The following PLGRKT variants were observed in gnomAD, a reference collection of about 807,000 sequenced individuals.
PLGRKT encodes plasminogen receptor with a C-terminal lysine.
A neutral mutation model predicts 18.5 loss-of-function variants in PLGRKT; 22 were observed. That is an observed-to-expected ratio of 1.19 (90% CI 0.85 to 1.70). The LOEUF (loss-of-function observed/expected upper bound fraction) is 1.70, where lower values mean the gene tolerates loss of function less well. Among genes scored for constraint, PLGRKT ranks in the 40% most tolerant of loss-of-function variants. The pLI is 0.00. For missense variants in PLGRKT, 235 were observed against 174.4 expected, an observed-to-expected ratio of 1.35 and a Z score of -1.96; for synonymous variants, 72 against 52.8, an observed-to-expected ratio of 1.36 and a Z score of -1.58.
chr9:5,423,096 C>G (rs1004457280), intron 3 of PLGRKT, among the ~76,000 whole-genome samples: 1 of 152,136 alleles, frequency 6.6e-6, no homozygotes, highest in Non-Finnish European at 1.5e-5. Context: ...TCTGCTGGCA[C>G]TTAGAAAACA....
At chr9:5,431,658 A>T (rs1181750345) in intron 3 of PLGRKT, among the ~76,000 whole-genome samples, 1 of 152,176 alleles carries the variant, frequency 6.6e-6, no homozygotes, top group African/African-American at 2.4e-5. Context: ...TATGTACCAC[A>T]TACTCTAAGC....
intron 3 of PLGRKT, among the ~76,000 whole-genome samples, chr9:5,395,759 T>C (rs1818032069): frequency 6.6e-6 from 1 of 151,774 alleles, no homozygotes; most frequent in Admixed American, 6.6e-5. Flanking sequence ...AGTTTCTTAA[T>C]CCTAATTTGC....
In PLGRKT at chr9:5,361,163, G is replaced by C. The variant is rs760392065; in HGVS notation, c.237C>G (p.Ala79=). ...TTAATGGAACAATCGGGACCAGGAA[G>C]GCTGGCTTCTTTTTTTTAATCGCTC... is the stretch of plus-strand genomic sequence containing the variant. ...TAGAIKKKKP[A]FLVPIVPLSF... The change falls in exon 5 of 6, where the codon GCC becomes GCG. Residue 79 remains alanine, a synonymous_variant. Coordinates refer to ENST00000223864, the MANE Select transcript of PLGRKT (RefSeq NM_018465.4). 6.2e-7 allele frequency: 1 copy of C among 1,608,264 alleles called. No individual in the cohort carries two copies.
chr9:5,380,073 A>G (rs547451785), intron 3 of PLGRKT, among the ~76,000 whole-genome samples: 11 of 152,356 alleles, frequency 7.2e-5, no homozygotes, highest in Middle Eastern at 3.4e-3. Flanking sequence ...AATTTAAAAC[A>G]AAAAGAATAG....
intron 3 of PLGRKT, among the ~76,000 whole-genome samples, chr9:5,429,007 T>C (rs1010995706): frequency 1.3e-5 from 2 of 152,176 alleles, no homozygotes; most frequent in African/African-American, 4.8e-5. Context: ...TGATCACATG[T>C]ATATTGTGAC....
rs141715013 is a variant in PLGRKT, at chr9:5,388,357, T to C, written c.82-26469A>G. On this transcript the variant is annotated intron_variant, in intron 3 of 5. Transcript: ENST00000223864. ...CTGAGAAATTGGGTGAGATGAGCAC[T>C]GAGATATCGCAAGCTTGTCATTCAT... Among the ~76,000 whole-genome samples, 156 of 152,054 alleles carry C rather than the reference T, an allele frequency of 1.0e-3. 1 individual carries two copies. The highest frequency in any genetic ancestry group is 6.8e-3 in the Middle Eastern group (2 of 294).
chr9:5,369,290 G>C (rs1433621114), intron 3 of PLGRKT, among the ~76,000 whole-genome samples: 1 of 151,952 alleles, frequency 6.6e-6, no homozygotes, highest in Non-Finnish European at 1.5e-5. Context: ...TGGGCGAATA[G>C]ACACTTCTCA....
intron 3 of PLGRKT, among the ~76,000 whole-genome samples, chr9:5,394,887 T>C (rs1419913568): frequency 6.6e-6 from 1 of 151,830 alleles, no homozygotes; most frequent in African/African-American, 2.4e-5. Context: ...CAGCCAGCCA[T>C]GGTGAAGCTG....
At chr9:5,399,419 C>T (rs1025528811) in intron 3 of PLGRKT, among the ~76,000 whole-genome samples, 3 of 151,776 alleles carry the variant, frequency 2.0e-5, no homozygotes, top group African/African-American at 7.3e-5. Flanking sequence ...ACTTGTTCTT[C>T]CCTTTTATAT....
intron 2 of PLGRKT, among the ~76,000 whole-genome samples, chr9:5,433,350 C>T (rs922308660): frequency 6.7e-6 from 1 of 148,270 alleles, no homozygotes; most frequent in East Asian, 2.1e-4. Context: ...CGCCCATCGT[C>T]TGGGGTGTGA....
chr9:5,411,566 A>G (rs1324501296), intron 3 of PLGRKT, among the ~76,000 whole-genome samples: 1 of 152,156 alleles, frequency 6.6e-6, no homozygotes, highest in Admixed American at 6.5e-5. Context: ...AGGTTCGGAC[A>G]CAGGTATATG....
At chr9:5,434,088 G>T (rs1276114493) in intron 2 of PLGRKT, among the ~76,000 whole-genome samples, 11 of 145,430 alleles carry the variant, frequency 7.6e-5, no homozygotes, top group Admixed American at 2.0e-4. Flanking sequence ...AGTGAGGAGT[G>T]CCTCTGCCCG....
chr9:5,409,160 G>C (rs1818313005), intron 3 of PLGRKT, among the ~76,000 whole-genome samples: 5 of 152,202 alleles, frequency 3.3e-5, no homozygotes. Flanking sequence ...GCACTGTGAT[G>C]GTTAATACTG....
rs1019521265 is a variant in PLGRKT, at chr9:5,432,494, TCCCTCC to T, written c.-6-517_-6-512del. On this transcript the variant is annotated intron_variant, in intron 2 of 5. Transcript: ENST00000223864. ...TTTTAAGAAGATTGAGCTCTCCCTC[TCCCTCC>T]CCCTCCCCCTCCCTCTTTCTACGGT... Among the ~76,000 whole-genome samples the T allele has an allele frequency of 1.8e-4, 27 of 151,860 alleles. No individual in the cohort carries two copies. The South Asian group carries it at 4.4e-3, about 25-fold the overall frequency.
chr9:5,363,885 CATTTT>C (rs2131060896), intron 3 of PLGRKT, among the ~76,000 whole-genome samples: 1 of 152,248 alleles, frequency 6.6e-6, no homozygotes, highest in East Asian at 1.9e-4. Context: ...AACTGAGGTT[CATTTT>C]GAGTTCAATT....
Position 5,358,346 on chromosome 9 carries a change from T to C in PLGRKT, c.337A>G (p.Ile113Val), listed in dbSNP as rs574571223. The change falls in exon 6 of 6, where the codon ATA (isoleucine) becomes GTA (valine). Residue 113 changes from isoleucine to valine, a missense_variant. Transcript: ENST00000223864. ...AATTTACTCTTTTCTGTTTCCAGTA[T>C]GTCCTCAGCTTCACCTTAAATAAAG... Reference protein sequence around the residue: ...LERMKGEAEDILETEKSKLQL... With the variant: ...LERMKGEAEDVLETEKSKLQL... The C allele has an allele frequency of 1.2e-6, 2 of 1,612,886 alleles. No individual in the cohort carries two copies. Among genetic ancestry groups the C allele is most frequent in the South Asian group, 1.1e-5 (1 of 91,048 alleles).
At chr9:5,376,833 G>C (rs977513656) in intron 3 of PLGRKT, among the ~76,000 whole-genome samples, 1 of 152,114 alleles carries the variant, frequency 6.6e-6, no homozygotes, top group African/African-American at 2.4e-5. Context: ...GACTATCTTT[G>C]AAAGACTATT....
At chr9:5,388,140 T>C (rs143071786) in intron 3 of PLGRKT, among the ~76,000 whole-genome samples, 1,595 of 151,782 alleles carry the variant, frequency 0.011, 52 homozygotes, top group African/African-American at 0.037. Context: ...CGAGTATAGA[T>C]GGTGAAAAGA....
At chr9:5,427,827 G>A (rs73641611) in intron 3 of PLGRKT, among the ~76,000 whole-genome samples, 4 of 152,202 alleles carry the variant, frequency 2.6e-5, no homozygotes, top group Non-Finnish European at 4.4e-5. Flanking sequence ...GGTTGGCTGG[G>A]TTACAGGACG....
Sources: allele counts gnomAD v4.1 joint callset (sites outside exome capture counted in the v4.1 genomes callset), GRCh38; gene constraint gnomAD v4.1.1; transcripts MANE v1.5; gene names NCBI Gene and HGNC (gene_info 2026-07-23, HGNC 2026-07-21).